C8orf89: variants seen among roughly 807,000 people sequenced by gnomAD.
C8orf89 encodes the protein putative uncharacterized protein C8orf89.
A neutral mutation model predicts 15.8 loss-of-function variants in C8orf89; 14 were observed. That is an observed-to-expected ratio of 0.89 (90% CI 0.59 to 1.39). C8orf89 has a LOEUF of 1.39. Among genes scored for constraint, C8orf89 ranks in the 40% most tolerant of loss-of-function variants. The pLI is 0.00. For synonymous variants in C8orf89, 55 were observed against 62.2 expected (o/e 0.88, Z 0.54); for missense variants, 181 against 184.5 (o/e 0.98, Z 0.11).
chr8:73,260,735 G>A (rs1017383865), upstream of C8orf89, among the ~76,000 whole-genome samples: 2 of 152,114 alleles, frequency 1.3e-5, no homozygotes, highest in Non-Finnish European at 2.9e-5. Context: ...AGCAGAGGAA[G>A]AGCATTGTGA....
the C8orf89 span, among the ~76,000 whole-genome samples, chr8:73,268,258 T>A: frequency 2.8e-4 from 42 of 152,164 alleles, no homozygotes; most frequent in African/African-American, 9.9e-4. Flanking sequence ...GGCAGGCAGA[T>A]CACGAGGTCA....
At chr8:73,260,454 G>A (rs558456337), upstream of C8orf89, among the ~76,000 whole-genome samples, 91 of 152,188 alleles carry the variant, frequency 6.0e-4, no homozygotes, top group African/African-American at 2.0e-3. Flanking sequence ...GTTAATGGGT[G>A]CAGCACACCA....
chr8:73,253,172 A>T (rs1813287001), intron 2 of C8orf89, among the ~76,000 whole-genome samples: 1 of 152,202 alleles, frequency 6.6e-6, no homozygotes, highest in Non-Finnish European at 1.5e-5. Context: ...TAGACATTCA[A>T]CAAATATCTG....
the C8orf89 span, among the ~76,000 whole-genome samples, chr8:73,266,602 G>T: frequency 6.6e-6 from 1 of 152,112 alleles, no homozygotes; most frequent in Non-Finnish European, 1.5e-5. Context: ...TGGTGCTGAT[G>T]GCAACCAAGG....
At chr8:73,248,782 G>A (rs184532540) in intron 3 of C8orf89, among the ~76,000 whole-genome samples, 34 of 152,190 alleles carry the variant, frequency 2.2e-4, no homozygotes, top group Non-Finnish European at 3.7e-4. Context: ...ATTTTTGCAC[G>A]TTGATTTTGT....
At chr8:73,241,829 A>G (rs1813013226) in intron 3 of C8orf89, among the ~76,000 whole-genome samples, 1 of 152,298 alleles carries the variant, frequency 6.6e-6, no homozygotes, top group East Asian at 1.9e-4. Context: ...CTATACATCT[A>G]TAGTGGATTC....
At chr8:73,285,552 CCT>C in the C8orf89 span, among the ~76,000 whole-genome samples, 1 of 152,256 alleles carries the variant, frequency 6.6e-6, no homozygotes, top group African/African-American at 2.4e-5. Context: ...TGGCAAGTCC[CCT>C]GAGCCTCCCG....
rs1813475932 is a variant in C8orf89, at chr8:73,259,341, T to C, written c.118A>G (p.Ile40Val). 1.3e-6 allele frequency: 2 copies of C among 1,499,374 alleles called. No individual in the cohort carries two copies. Among genetic ancestry groups the C allele is most frequent in the Non-Finnish European group, 1.8e-6 (2 of 1,116,632 alleles). The allele number at this position is 1,499,374 out of a possible 1,614,324, so 92.9% of individuals were successfully genotyped here. Residue 40 changes from isoleucine (I) to valine (V), a missense_variant, in exon 1 of 4, where the codon ATT becomes GTT. Coordinates refer to ENST00000624510, the MANE Select transcript of C8orf89 (RefSeq NM_001243237.3). ...WKKAVLETQK[I>V]KKEYTTAFGL... ...ATAACAATAAAGTTACCTTTCTTAA[T>C]CTTTTGTGTTTCTAAAACTGCTTTC...
At chr8:73,252,707 G>T (rs750606631) in intron 2 of C8orf89, among the ~76,000 whole-genome samples, 1 of 152,126 alleles carries the variant, frequency 6.6e-6, no homozygotes, top group Non-Finnish European at 1.5e-5. Context: ...CGTCAACCTT[G>T]TGTGCTAGGC....
At chr8:73,270,632 G>A in the C8orf89 span, among the ~76,000 whole-genome samples, 3 of 152,168 alleles carry the variant, frequency 2.0e-5, no homozygotes, top group South Asian at 2.1e-4. Context: ...TAGTCCAGAC[G>A]TGGTGGCTTA....
the C8orf89 span, among the ~76,000 whole-genome samples, chr8:73,265,297 T>C: frequency 1.3e-5 from 2 of 152,252 alleles, no homozygotes; most frequent in African/African-American, 4.8e-5. Flanking sequence ...GTTTGAAAGA[T>C]AGCAGATATC....
the C8orf89 span, among the ~76,000 whole-genome samples, chr8:73,283,514 T>C: frequency 5.3e-5 from 8 of 152,168 alleles, no homozygotes; most frequent in Non-Finnish European, 1.0e-4. Flanking sequence ...TTAAAATGCA[T>C]GTGAAGTGTT....
the C8orf89 span, among the ~76,000 whole-genome samples, chr8:73,279,014 T>C: frequency 6.6e-6 from 1 of 152,226 alleles, no homozygotes; most frequent in Non-Finnish European, 1.5e-5. Flanking sequence ...CTGTCCTAAG[T>C]ATTACAGGAC....
chr8:73,281,463 T>G, the C8orf89 span, among the ~76,000 whole-genome samples: 2 of 152,204 alleles, frequency 1.3e-5, no homozygotes, highest in African/African-American at 4.8e-5. Flanking sequence ...TTTATTCATG[T>G]CATGCATTGT....
chr8:73,261,014 T>C (rs1258136250), upstream of C8orf89, among the ~76,000 whole-genome samples: 1 of 152,136 alleles, frequency 6.6e-6, no homozygotes, highest in Non-Finnish European at 1.5e-5. Context: ...AACATTAGAC[T>C]CCAAGTTCTT....
chr8:73,274,113 T>C, the C8orf89 span, among the ~76,000 whole-genome samples: 1 of 152,220 alleles, frequency 6.6e-6, no homozygotes, highest in South Asian at 2.1e-4. Context: ...GGGAGACAGG[T>C]GCTTACCTGA....
chr8:73,250,701 C>T (rs1364652604), intron 2 of C8orf89, among the ~76,000 whole-genome samples: 1 of 152,070 alleles, frequency 6.6e-6, no homozygotes, highest in Admixed American at 6.5e-5. Context: ...TAATTTTGTT[C>T]CCACTGAAAT....
chr8:73,259,058 C>CT (rs1813470455), intron 1 of C8orf89, among the ~76,000 whole-genome samples: 1 of 151,984 alleles, frequency 6.6e-6, no homozygotes, highest in Non-Finnish European at 1.5e-5. Flanking sequence ...AGAGACAGTA[C>CT]TGCAATGGAT....
At chr8:73,283,973 C>T in the C8orf89 span, among the ~76,000 whole-genome samples, 2 of 150,246 alleles carry the variant, frequency 1.3e-5, no homozygotes, top group African/African-American at 2.4e-5. Context: ...AACCTGGAGG[C>T]GGAGGTTGCA....
Sources: gnomAD v4.1 joint callset for allele counts (sites outside exome capture counted in the v4.1 genomes callset) on GRCh38, gnomAD v4.1.1 for gene constraint, MANE v1.5 for transcripts, NCBI Gene and HGNC (gene_info 2026-07-23, HGNC 2026-07-21) for gene names.